DLG2: variants seen among roughly 807,000 people sequenced by gnomAD.
DLG2 encodes discs large MAGUK scaffold protein 2.
DLG2 carries 45 observed loss-of-function variants against 132.5 expected under a neutral mutation model. The observed-to-expected ratio is 0.34, with a 90% CI of 0.27 to 0.44. DLG2 has a LOEUF of 0.44. Among genes scored for constraint, DLG2 ranks in the 20% least tolerant of loss-of-function variants. The pLI is 1.00. For missense variants in DLG2, 1,045 were observed against 1,196.9 expected (o/e 0.87, Z 1.87); for synonymous variants, 424 against 419.6 (o/e 1.01, Z -0.13).
At chr11:85,561,092 A>C (rs2077208575) in intron 3 of DLG2, among the ~76,000 whole-genome samples, 1 of 151,354 alleles carries the variant, frequency 6.6e-6, no homozygotes, top group Admixed American at 6.6e-5. Flanking sequence ...ATGGTGGCTC[A>C]AGCCTGTAAT....
chr11:84,415,252 T>C (rs978478671), intron 7 of DLG2, among the ~76,000 whole-genome samples: 3 of 152,238 alleles, frequency 2.0e-5, no homozygotes, highest in Admixed American at 1.3e-4. Context: ...ACTATGGATG[T>C]CATTGCATGC....
chr11:84,610,416 C>T (rs1593690697), intron 6 of DLG2, among the ~76,000 whole-genome samples: 1 of 152,004 alleles, frequency 6.6e-6, no homozygotes, highest in African/African-American at 2.4e-5. Context: ...TTTTAAAAAA[C>T]ATGACAACTT....
intron 7 of DLG2, among the ~76,000 whole-genome samples, chr11:84,532,157 G>A (rs2099344414): frequency 8.3e-6 from 1 of 121,138 alleles, no homozygotes; most frequent in South Asian, 2.6e-4. Context: ...AACCGGGCTA[G>A]CATCCCTCAT....
At chr11:85,079,279 A>G (rs2066934861) in intron 6 of DLG2, among the ~76,000 whole-genome samples, 1 of 152,062 alleles carries the variant, frequency 6.6e-6, no homozygotes, top group African/African-American at 2.4e-5. Flanking sequence ...CCAGGTAGCA[A>G]GCTTCAGAGA....
chr11:85,502,018 G>A (rs761424318), intron 3 of DLG2, among the ~76,000 whole-genome samples: 2 of 149,004 alleles, frequency 1.3e-5, no homozygotes, highest in Non-Finnish European at 1.5e-5. Context: ...GGAACCAACC[G>A]CAATGTCCAC....
intron 18 of DLG2, among the ~76,000 whole-genome samples, chr11:83,693,252 G>A (rs1305210707): frequency 6.6e-6 from 1 of 152,046 alleles, no homozygotes; most frequent in Non-Finnish European, 1.5e-5. Flanking sequence ...TGGGTCTGGG[G>A]GCATGAGTGC....
chr11:83,799,692 C>A (rs944115608), intron 17 of DLG2, among the ~76,000 whole-genome samples: 1 of 152,078 alleles, frequency 6.6e-6, no homozygotes. Flanking sequence ...TGTGATGATA[C>A]CATTAATCAA....
At chr11:85,468,104 G>A (rs1459645199) in intron 3 of DLG2, among the ~76,000 whole-genome samples, 2 of 152,056 alleles carry the variant, frequency 1.3e-5, no homozygotes, top group African/African-American at 2.4e-5. Context: ...GTGTAGAGGT[G>A]TTTATAGTAT....
At chr11:83,864,966 A>G (rs973861595) in intron 16 of DLG2, among the ~76,000 whole-genome samples, 9 of 152,152 alleles carry the variant, frequency 5.9e-5, no homozygotes, top group Admixed American at 2.0e-4. Context: ...CAGGCAAGGT[A>G]CCAACAGAAT....
intron 4 of DLG2, among the ~76,000 whole-genome samples, chr11:85,198,419 T>G (rs563933890): frequency 3.5e-4 from 54 of 152,142 alleles, no homozygotes; most frequent in Non-Finnish European, 6.8e-4. Flanking sequence ...AGTTAGCTAT[T>G]AAATTTCCAC....
Position 83,822,027 on chromosome 11 carries a change from A to T in DLG2, c.1722+11587T>A, listed in dbSNP as rs190618337. ...ATTAAGTGGAGGAGTAACATGATCA[A>T]AGTTGATAGAATCTATGGAGTTGGT... On this transcript the variant is annotated intron_variant, in intron 17 of 27. Transcript: ENST00000376104. 1.4e-3 allele frequency among the ~76,000 whole-genome samples: 219 copies of T among 152,268 alleles called. 2 individuals are homozygous for T. The highest frequency in any genetic ancestry group is 5.0e-3 in the African/African-American group (207 of 41,556).
At chr11:85,459,275 C>T (rs2092524701) in intron 3 of DLG2, among the ~76,000 whole-genome samples, 1 of 152,210 alleles carries the variant, frequency 6.6e-6, no homozygotes. Flanking sequence ...TGGGAAAATT[C>T]AGCCAGGAGG....
chr11:84,492,524 G>A (rs1406697005), intron 7 of DLG2, among the ~76,000 whole-genome samples: 1 of 152,132 alleles, frequency 6.6e-6, no homozygotes, highest in East Asian at 1.9e-4. Flanking sequence ...TAATGTCTGT[G>A]AGACCTTACA....
intron 3 of DLG2, among the ~76,000 whole-genome samples, chr11:85,536,743 T>C (rs1047725785): frequency 5.9e-5 from 9 of 152,324 alleles, no homozygotes; most frequent in African/African-American, 2.2e-4. Context: ...CTGGGCTTGA[T>C]CAGAGGCTGA....
intron 3 of DLG2, among the ~76,000 whole-genome samples, chr11:85,314,055 G>A (rs78766705): frequency 0.012 from 1,788 of 151,986 alleles, 21 homozygotes; most frequent in South Asian, 0.045. Flanking sequence ...AAAAAGTAAA[G>A]AACAATTAGA....
intron 11 of DLG2, among the ~76,000 whole-genome samples, chr11:84,051,316 C>T (rs1014024244): frequency 1.3e-5 from 2 of 151,934 alleles, no homozygotes; most frequent in Admixed American, 6.6e-5. Context: ...TAGAAAGACA[C>T]ATGCACACGT....
intron 22 of DLG2, chr11:83,483,219 A>G: frequency 1.3e-6 from 2 of 1,596,128 alleles, no homozygotes; most frequent in Non-Finnish European, 1.7e-6. Flanking sequence ...GGAAAAGAAA[A>G]GAAAAGTTAC....
At chr11:85,405,177 TG>T (rs1192326474) in intron 3 of DLG2, among the ~76,000 whole-genome samples, 2 of 152,088 alleles carry the variant, frequency 1.3e-5, no homozygotes, top group South Asian at 4.1e-4. Flanking sequence ...GTCCCAGCTC[TG>T]CCCCTTGCAT....
intron 15 of DLG2, among the ~76,000 whole-genome samples, chr11:83,898,071 T>C (rs765909239): frequency 6.6e-6 from 1 of 152,152 alleles, no homozygotes; most frequent in Non-Finnish European, 1.5e-5. Flanking sequence ...CAAAGGGCCT[T>C]GGGAACTTTG....
Sources: gnomAD v4.1 joint callset for allele counts (sites outside exome capture counted in the v4.1 genomes callset) on GRCh38, gnomAD v4.1.1 for gene constraint, MANE v1.5 for transcripts, NCBI Gene and HGNC (gene_info 2026-07-23, HGNC 2026-07-21) for gene names.